The following MTRR variants were observed in gnomAD, a reference collection of about 807,000 sequenced individuals.
MTRR encodes the protein 5-methyltetrahydrofolate-homocysteine methyltransferase reductase, also known as methionine synthase reductase.
A neutral mutation model predicts 79.2 loss-of-function variants in MTRR; 63 were observed. The observed-to-expected ratio is 0.80, with a 90% CI of 0.65 to 0.98. MTRR has a LOEUF of 0.98. MTRR is among the 50% of genes least tolerant of loss of function. The pLI, the probability that MTRR is intolerant of heterozygous loss-of-function variation, is 0.00. For synonymous variants in MTRR, 355 were observed against 313.3 expected, an observed-to-expected ratio of 1.13 and a Z score of -1.41; for missense variants, 895 against 839.6, an observed-to-expected ratio of 1.07 and a Z score of -0.82.
chr5:7,891,523 T>C, intron 10 of MTRR, 109 bp downstream of exon 10: 1 of 892,798 alleles, frequency 1.1e-6, no homozygotes, highest in Non-Finnish European at 1.9e-6. Context: ...CTTACCTGCT[T>C]TATGGAAGAC....
chr5:7,857,953 C>T (rs1234368981), intron 1 of MTRR, among the ~76,000 whole-genome samples: 2 of 152,186 alleles, frequency 1.3e-5, no homozygotes, highest in Admixed American at 6.5e-5. Context: ...AGGTGAAGAA[C>T]GCTCGTGCTG....
upstream of MTRR, chr5:7,850,890 G>A (rs773803018): frequency 3.7e-6 from 5 of 1,341,866 alleles, no homozygotes; most frequent in Non-Finnish European, 4.8e-6. Flanking sequence ...CCGGGCGGTA[G>A]TAGTAGCTGT....
chr5:7,880,839 C>G (rs1176977428), intron 5 of MTRR, among the ~76,000 whole-genome samples: 1 of 152,170 alleles, frequency 6.6e-6, no homozygotes, highest in Non-Finnish European at 1.5e-5. Flanking sequence ...CATAGATGAG[C>G]TATGCTGATG....
rs773984668 is a variant in MTRR, at chr5:7,873,511, C to T, written c.268C>T (p.Arg90Trp). 86 of 1,613,970 alleles carry T rather than the reference C, an allele frequency of 5.3e-5. No homozygotes were observed. The East Asian group carries it at 6.5e-4, about 12-fold the overall frequency. Reference protein sequence around the residue: ...TLPVDFFAHLRYGLLGLGDSE... With the variant: ...TLPVDFFAHLWYGLLGLGDSE... ...GCCGGTTGATTTCTTTGCTCACCTG[C>T]GGTATGGGTTACTGGGTAATGGACT... The change falls in exon 3 of 15, where the codon CGG (arginine) becomes TGG (tryptophan). Residue 90 changes from arginine (R) to tryptophan (W), a missense_variant. Coordinates refer to ENST00000440940, the MANE Select transcript of MTRR (RefSeq NM_002454.3).
chr5:7,884,011 A>G (rs1341699457), intron 6 of MTRR, among the ~76,000 whole-genome samples: 3 of 152,158 alleles, frequency 2.0e-5, no homozygotes, highest in Admixed American at 6.5e-5. Context: ...AAAAAATACA[A>G]TAAGTAGCTG....
At chr5:7,882,283 G>T (rs1321062827) in intron 5 of MTRR, among the ~76,000 whole-genome samples, 1 of 152,216 alleles carries the variant, frequency 6.6e-6, no homozygotes, top group Non-Finnish European at 1.5e-5. Flanking sequence ...TTGGATGTGG[G>T]TTGCCTCTGA....
rs1025977780 is a variant in MTRR at position 7,892,897 on chromosome 5, A to G, written c.1541A>G (p.Lys514Arg). Reference protein sequence around the residue: ...NIHASHEDSGKALAPKISISP... With the variant: ...NIHASHEDSGRALAPKISISP... ...CATGCATCCCATGAAGACAGCGGGAAAGCCCTGGCTCCTAAGGTAAGAAAT... is the reference window on the plus strand; with the variant it reads ...CATGCATCCCATGAAGACAGCGGGAGAGCCCTGGCTCCTAAGGTAAGAAAT... Residue 514 changes from lysine (K) to arginine (R), a missense_variant, in exon 11 of 15, where the codon AAA becomes AGA. Physicochemically the swap from Lys to Arg is conservative, Grantham distance 26. Transcript: ENST00000440940. The G allele has an allele frequency of 6.2e-7, 1 of 1,614,206 alleles. No homozygotes were observed. The highest frequency in any genetic ancestry group is 8.5e-7 in the Non-Finnish European group (1 of 1,180,026).
upstream of MTRR, chr5:7,865,758 A>T (rs181027700): frequency 7.5e-4 from 469 of 621,766 alleles, 7 homozygotes; most frequent in East Asian, 0.01. Context: ...TTTATCAAAG[A>T]AAAGCCTATC....
chr5:7,877,621 C>T (rs967597186), intron 4 of MTRR, among the ~76,000 whole-genome samples: 1 of 151,188 alleles, frequency 6.6e-6, no homozygotes, highest in South Asian at 2.1e-4. Context: ...AAAATTATAT[C>T]TTCTTAAAAT....
chr5:7,867,179 G>T (rs1414015760), upstream of MTRR: 1 of 1,614,018 alleles, frequency 6.2e-7, no homozygotes, highest in African/African-American at 1.3e-5. Context: ...AACCACCAGG[G>T]CAGTGAGCAT....
At chr5:7,878,352 G>C (rs372683754) in intron 5 of MTRR, 30 bp downstream of exon 5, 31 of 1,610,910 alleles carry the variant, frequency 1.9e-5, no homozygotes, top group Non-Finnish European at 2.4e-5. Context: ...TGCTATAGAT[G>C]CTATTTAATC....
chr5:7,891,735 A>G (rs1737620570), intron 10 of MTRR, among the ~76,000 whole-genome samples: 1 of 152,052 alleles, frequency 6.6e-6, no homozygotes, highest in African/African-American at 2.4e-5. Flanking sequence ...GGAGACAGAA[A>G]AGTTCCACTA....
At chr5:7,855,070 A>G (rs1746200022) in intron 1 of MTRR, among the ~76,000 whole-genome samples, 1 of 152,230 alleles carries the variant, frequency 6.6e-6, no homozygotes, top group East Asian at 1.9e-4. Context: ...CTACAGGGCA[A>G]TTGATCTAAT....
Position 7,900,848 on chromosome 5 carries a change from G to T in MTRR, c.*790G>T, listed in dbSNP as rs953840078. 1 of 148,392 alleles carries T rather than the reference G, an allele frequency of 6.7e-6. No homozygotes were observed. 9.2% of individuals were successfully genotyped at this position (148,392 alleles called of 1,614,324 possible). ...TATTTCTGCTGCTTGGCACATTTTT[G>T]AGTTTTCCCACATTATTTGTCTCCA... On this transcript the variant is annotated 3_prime_UTR_variant, in exon 15 of 15. Coordinates refer to ENST00000440940, the MANE Select transcript of MTRR (RefSeq NM_002454.3).
chr5:7,887,104 C>T (rs1304012023), intron 8 of MTRR, among the ~76,000 whole-genome samples: 1 of 152,064 alleles, frequency 6.6e-6, no homozygotes, highest in Non-Finnish European at 1.5e-5. Flanking sequence ...CTAATGAGAG[C>T]GTAGGATTCC....
At position 7,878,046 on chromosome 5, in the gene MTRR, G is replaced by A. The variant is rs746183496; in HGVS notation, c.504G>A (p.Pro168=). 4.3e-6 allele frequency: 7 copies of A among 1,613,698 alleles called. No individual in the cohort carries two copies. Among genetic ancestry groups the A allele is most frequent in the East Asian group, 4.5e-5 (2 of 44,824 alleles). The change falls in exon 5 of 15, where the codon CCG becomes CCA. Residue 168 remains proline, a synonymous_variant. Transcript: ENST00000440940. The part of the protein sequence containing the change: ...RGQEEISGAL[P]VASPASSRTD... ...AAGAGGAGATAAGTGGCGCACTCCC[G>A]GTGGCATCACCTGCATCCTCGAGGA...
At position 7,862,848 on chromosome 5, in the gene MTRR, C is replaced by T. The variant is rs776670447; in HGVS notation, n.498+791C>T. 1.2e-5 allele frequency: 20 copies of T among 1,613,470 alleles called. No homozygotes were observed. The Admixed American group carries it at 2.7e-4, about 22-fold the overall frequency. On this transcript the variant is annotated intron_variant and non_coding_transcript_variant, in intron 2 of 3. Coordinates refer to the MTRR transcript ENST00000502509. ...CTATTGTATAACAATAGGGTGTCAACACTTTTGGAGCAAAATATAATCTTG... is the reference window on the plus strand; with the variant it reads ...CTATTGTATAACAATAGGGTGTCAATACTTTTGGAGCAAAATATAATCTTG...
At chr5:7,899,859 G>T (rs1437838477) in intron 14 of MTRR, 55 bp from the exon 15 acceptor site, 7 of 1,603,126 alleles carry the variant, frequency 4.4e-6, no homozygotes, top group Non-Finnish European at 6.0e-6. Flanking sequence ...GAATTAAGGA[G>T]GATTTACTAA....
intron 4 of MTRR, 33 bp downstream of exon 4, chr5:7,875,408 GC>G: frequency 6.8e-7 from 1 of 1,475,720 alleles, no homozygotes; most frequent in Non-Finnish European, 9.5e-7. Flanking sequence ...ACTCCAATAA[GC>G]CCTCTATACA....
Sources: allele counts gnomAD v4.1 joint callset (sites outside exome capture counted in the v4.1 genomes callset), GRCh38; gene constraint gnomAD v4.1.1; transcripts MANE v1.5; gene names NCBI Gene and HGNC (gene_info 2026-07-23, HGNC 2026-07-21).